The following ATP8B1 variants were observed in gnomAD, a reference collection of about 807,000 sequenced individuals.
ATP8B1 encodes ATPase phospholipid transporting 8B1.
A neutral mutation model predicts 149.9 loss-of-function variants in ATP8B1; 80 were observed. That is an observed-to-expected ratio of 0.53 (90% CI 0.45 to 0.64). The LOEUF is 0.64. Among genes scored for constraint, ATP8B1 ranks in the 30% least tolerant of loss-of-function variants. The pLI is 0.00. For missense variants in ATP8B1, 1,247 were observed against 1,552.6 expected, an observed-to-expected ratio of 0.80 and a Z score of 3.31; for synonymous variants, 536 against 562.8, an observed-to-expected ratio of 0.95 and a Z score of 0.67.
At chr18:57,756,077 G>A (rs1211373012) in intron 1 of ATP8B1, among the ~76,000 whole-genome samples, 13 of 150,696 alleles carry the variant, frequency 8.6e-5, no homozygotes, top group African/African-American at 1.7e-4. Flanking sequence ...GTCTGATTTC[G>A]TCATTGACCC....
rs114630135 is a variant in ATP8B1 at position 57,692,352 on chromosome 18, C to G, written c.1030-355G>C. 7.1e-3 allele frequency among the ~76,000 whole-genome samples: 1,056 copies of G among 148,726 alleles called. 9 individuals are homozygous for G. The highest frequency in any genetic ancestry group is 0.025 in the African/African-American group (989 of 40,312). ...ATAACATACTGTTTGGGGAAGATAT[C>G]TTACTTAGCATGAAACAACTTCCAA... On this transcript the variant is annotated intron_variant, in intron 11 of 27. Coordinates refer to ENST00000648908, the MANE Select transcript of ATP8B1 (RefSeq NM_001374385.1).
At position 57,648,160 on chromosome 18, in the gene ATP8B1, A is replaced by AT. The variant is rs1909303469; in HGVS notation, c.*327dup. On this transcript the variant is annotated 3_prime_UTR_variant, in exon 28 of 28. Transcript: ENST00000648908. ...CACCACCAAGCCCGGCTAATTTTTA[A>AT]TTTATGGTAGAGACAGGGTTTCACC... is the stretch of plus-strand genomic sequence containing the variant. 2.4e-6 allele frequency: 1 copy of AT among 420,736 alleles called. No individual in the cohort carries two copies. The highest frequency in any genetic ancestry group is 2.0e-5 in the African/African-American group (1 of 49,380). The allele number at this position is 420,736 out of a possible 1,614,324, so 26.1% of individuals were successfully genotyped here.
chr18:57,790,019 T>C (rs1232129381), intron 1 of ATP8B1, among the ~76,000 whole-genome samples: 1 of 152,108 alleles, frequency 6.6e-6, no homozygotes, highest in Non-Finnish European at 1.5e-5. Context: ...CTAAACATGA[T>C]CAAAGCTACA....
At chr18:57,654,780 A>G (rs12964254) in intron 23 of ATP8B1, among the ~76,000 whole-genome samples, 68,671 of 147,994 alleles carry the variant, frequency 0.46, 16,070 homozygotes, top group Middle Eastern at 0.52. Flanking sequence ...TCTGCCTCCC[A>G]GGTTCAAGCG....
intron 1 of ATP8B1, among the ~76,000 whole-genome samples, chr18:57,744,811 C>T (rs1024792535): frequency 6.6e-6 from 1 of 152,234 alleles, no homozygotes; most frequent in Non-Finnish European, 1.5e-5. Flanking sequence ...AAAGACTGCA[C>T]TCCCGAAAGA....
intron 2 of ATP8B1, among the ~76,000 whole-genome samples, chr18:57,707,441 T>C (rs984112173): frequency 2.0e-5 from 3 of 152,108 alleles, no homozygotes; most frequent in Non-Finnish European, 2.9e-5. Context: ...CCCCACCAAA[T>C]TGGCAGAGAA....
intron 26 of ATP8B1, 64 bp downstream of exon 26, chr18:57,651,970 A>G (rs1909648246): frequency 4.5e-6 from 7 of 1,554,536 alleles, no homozygotes; most frequent in Admixed American, 1.7e-5. Flanking sequence ...AACAGAAGTT[A>G]TGTCAAAATC....
intron 26 of ATP8B1, among the ~76,000 whole-genome samples, chr18:57,651,119 T>C (rs1599065307): frequency 6.6e-6 from 1 of 152,188 alleles, no homozygotes. Context: ...CTTCTGACTT[T>C]TTTTTGAGAT....
intron 13 of ATP8B1, among the ~76,000 whole-genome samples, chr18:57,687,231 C>T (rs764308381): frequency 6.6e-6 from 1 of 152,190 alleles, no homozygotes; most frequent in Non-Finnish European, 1.5e-5. Flanking sequence ...ACCCATTAAA[C>T]AGTAACTCCC....
intron 1 of ATP8B1, among the ~76,000 whole-genome samples, chr18:57,789,616 T>C (rs985156764): frequency 5.3e-5 from 8 of 152,192 alleles, no homozygotes; most frequent in African/African-American, 1.9e-4. Flanking sequence ...CTTTAGCAAG[T>C]TCCTATACCA....
intron 24 of ATP8B1, 57 bp downstream of exon 24, chr18:57,653,935 C>G (rs948436014): frequency 7.5e-6 from 11 of 1,474,974 alleles, no homozygotes; most frequent in Non-Finnish European, 1.0e-5. Flanking sequence ...TTGCTTGGGA[C>G]TTCTCTAACG....
At position 57,803,208 on chromosome 18, in the gene ATP8B1, C is replaced by T. The variant is rs2080601516; in HGVS notation, c.-236G>A. ...GCTCTCGCGGCTCGCTAGTGGCTCCCCCGCCTTTCCCCGCCCCGCGTCCGT... is the reference window on the plus strand; with the variant it reads ...GCTCTCGCGGCTCGCTAGTGGCTCCTCCGCCTTTCCCCGCCCCGCGTCCGT... On this transcript the variant is annotated 5_prime_UTR_variant, in exon 1 of 28. Transcript: ENST00000648908. 1 of 152,494 alleles carries T rather than the reference C, an allele frequency of 6.6e-6. No individual in the cohort carries two copies. The highest frequency in any genetic ancestry group is 6.5e-5 in the Admixed American group (1 of 15,278). 9.4% of individuals were successfully genotyped at this position (152,494 alleles called of 1,614,324 possible).
chr18:57,731,835 TAAAAG>T lies in ATP8B1; in HGVS notation c.-25-8_-25-4del. On this transcript the variant is annotated splice_polypyrimidine_tract_variant and splice_region_variant and intron_variant, in intron 1 of 27. Transcript: ENST00000648908. ...TGCTGGCAAATTGGAACTACCTGCTTAAAAGGAAAGAGAAACCAGAGTGAATTATG... is the reference window on the plus strand; with the variant it reads ...TGCTGGCAAATTGGAACTACCTGCTTGAAAGAGAAACCAGAGTGAATTATG... The T allele has an allele frequency of 6.2e-7, 1 of 1,613,658 alleles. No individual in the cohort carries two copies.
At position 57,648,497 on chromosome 18, in the gene ATP8B1, C is replaced by T. The variant is rs985232603; in HGVS notation, c.3747G>A (p.Gly1249=). ...ADGTAEYRRT[G]DS is the part of the protein sequence containing the mutation. The stretch of plus-strand genomic sequence containing the variant: ...GCCTGGGGGTAAGGGATCAGCTGTC[C>T]CCGGTGCGCCTGTACTCCGCGGTGC... Residue 1249 remains glycine (G), a synonymous_variant, in exon 28 of 28, where the codon GGG becomes GGA. Transcript: ENST00000648908. The T allele has an allele frequency of 1.8e-5, 29 of 1,611,130 alleles. No individual in the cohort carries two copies. The highest frequency in any genetic ancestry group is 6.7e-5 in the Admixed American group (4 of 60,006).
Position 57,731,791 on chromosome 18 carries a change from T to C in ATP8B1, c.17A>G (p.Asp6Gly), listed in dbSNP as rs1211051420. The change falls in exon 2 of 28, where the codon GAC becomes GGC. Residue 6 changes from aspartate to glycine, a missense_variant. By Grantham distance (94) the Asp-to-Gly change is moderately conservative. Around this residue, in one of 3 missense-constraint regions of ATP8B1, gnomAD observed 853 missense variants for 1,035.7 expected, o/e 0.82. Transcript: ENST00000648908. ...ATCCTCGTCAAATGTCGTTTCTGAG[T>C]CTCTTTCTGTACTCATTCTGCTGGC... is the stretch of plus-strand genomic sequence containing the variant. Reference protein sequence around the residue: MSTERDSETTFDEDSQ... With the variant: MSTERGSETTFDEDSQ... 1 of 1,614,034 alleles carries C rather than the reference T, an allele frequency of 6.2e-7. No individual in the cohort carries two copies. The highest frequency in any genetic ancestry group is 8.5e-7 in the Non-Finnish European group (1 of 1,179,978).
At position 57,650,228 on chromosome 18, in the gene ATP8B1, A is replaced by G. The variant is rs1599063954; in HGVS notation, c.3531+139T>C. On this transcript the variant is annotated intron_variant, in intron 27 of 27. Coordinates refer to ENST00000648908, the MANE Select transcript of ATP8B1 (RefSeq NM_001374385.1). ...ATTCCAAAAGACTTATTTGTGAGAT[A>G]GAGTTAAAGAGAAGCAATCATGAAA... The G allele has an allele frequency of 4.6e-6, 5 of 1,083,004 alleles. No homozygotes were observed. The East Asian group carries it at 1.3e-4, about 28-fold the overall frequency. The allele number at this position is 1,083,004 out of a possible 1,614,324, so 67.1% of individuals were successfully genotyped here. A position where few individuals can be genotyped will look rare whatever the true frequency, so the allele number is the denominator to read the frequency against.
intron 1 of ATP8B1, among the ~76,000 whole-genome samples, chr18:57,798,890 C>T (rs2080545765): frequency 6.6e-6 from 1 of 152,158 alleles, no homozygotes; most frequent in Non-Finnish European, 1.5e-5. Context: ...TTTCCAGTGC[C>T]TGGTGCAAAT....
chr18:57,798,046 C>T (rs1289652663), intron 1 of ATP8B1, among the ~76,000 whole-genome samples: 3 of 152,090 alleles, frequency 2.0e-5, no homozygotes, highest in Non-Finnish European at 4.4e-5. Flanking sequence ...AACTCAGGCC[C>T]TCTGTGAACC....
At chr18:57,655,443 G>A in intron 22 of ATP8B1, 26 bp from the exon 23 acceptor site, 1 of 1,600,728 alleles carries the variant, frequency 6.2e-7, no homozygotes, top group Non-Finnish European at 8.6e-7. Context: ...AGAAAACACT[G>A]TGGATCATAA....
Sources: gnomAD v4.1 joint callset for allele counts (sites outside exome capture counted in the v4.1 genomes callset) on GRCh38, gnomAD v4.1.1 for gene constraint, gnomAD v4.1.1 regional missense constraint, MANE v1.5 for transcripts, NCBI Gene and HGNC (gene_info 2026-07-23, HGNC 2026-07-21) for gene names.